SSC4D: variants seen among roughly 807,000 people sequenced by gnomAD.
SSC4D encodes the protein scavenger receptor cysteine-rich domain-containing group B protein.
SSC4D carries 57 observed loss-of-function variants against 63.4 expected under a neutral mutation model. That is an observed-to-expected ratio of 0.90 (90% CI 0.73 to 1.12). SSC4D has a LOEUF of 1.12. Among genes scored for constraint, SSC4D ranks in the 50% most tolerant of loss-of-function variants. The pLI, the probability that SSC4D is intolerant of heterozygous loss-of-function variation, is 0.00. For missense variants in SSC4D, 791 were observed against 806.4 expected (o/e 0.98, Z 0.23); for synonymous variants, 352 against 345.4 (o/e 1.02, Z -0.21).
intron 1 of SSC4D, among the ~76,000 whole-genome samples, chr7:76,407,934 C>T (rs2115822445): frequency 6.6e-6 from 1 of 152,100 alleles, no homozygotes; most frequent in South Asian, 2.1e-4. Flanking sequence ...TGCAGTTGTC[C>T]AGACTCTAGG....
At position 76,404,383 on chromosome 7, in the gene SSC4D, C is replaced by A. The variant is rs372904571; in HGVS notation, c.57G>T (p.Gly19=). 7 of 1,613,934 alleles carry A rather than the reference C, an allele frequency of 4.3e-6. No individual in the cohort carries two copies. The highest frequency in any genetic ancestry group is 1.3e-5 in the African/African-American group (1 of 75,046). ...IGPQLDEKRW[G]WRLGDGSAAP... ...CAGCACTCCCATCTCCCAACCTCCA[C>A]CCCCAGCGCTTCTCATCCAGCTGGG... is the stretch of plus-strand genomic sequence containing the variant. The change falls in exon 2 of 11, where the codon GGG becomes GGT. Residue 19 remains glycine, a synonymous_variant. Transcript: ENST00000275560.
In SSC4D at chr7:76,397,148, G is replaced by C. The variant is rs534044099; in HGVS notation, c.868+370C>G. 2.0e-5 allele frequency among the ~76,000 whole-genome samples: 3 copies of C among 152,114 alleles called. No homozygotes were observed. The East Asian group carries it at 5.8e-4, about 29-fold the overall frequency. On this transcript the variant is annotated intron_variant, in intron 6 of 10. Transcript: ENST00000275560. Reference sequence around the variant, plus strand: ...CCCTGGCTGGAGTGCAGTGGCGTCAGCTCGGCTCACTGCAACCTCCACCTC... The same window carrying C: ...CCCTGGCTGGAGTGCAGTGGCGTCACCTCGGCTCACTGCAACCTCCACCTC...
At chr7:76,395,975 G>A (rs754145381) in intron 6 of SSC4D, among the ~76,000 whole-genome samples, 104 of 152,256 alleles carry the variant, frequency 6.8e-4, no homozygotes, top group African/African-American at 1.6e-3. Context: ...GATTATAGGC[G>A]TGAGCCACCG....
chr7:76,391,584 A>C (rs960600981), intron 10 of SSC4D, among the ~76,000 whole-genome samples: 1 of 151,872 alleles, frequency 6.6e-6, no homozygotes, highest in African/African-American at 2.4e-5. Context: ...TAATCCCAGT[A>C]CCCCAGCCCC....
chr7:76,395,237 G>A lies in SSC4D; in HGVS notation c.946+16C>T. On this transcript the variant is annotated intron_variant, in intron 7 of 10. Coordinates refer to ENST00000275560, the MANE Select transcript of SSC4D (RefSeq NM_080744.2). ...CATACCCCTACCATTCCCGCCTGGA[G>A]GGCTGAGCTCTTTACCGGACGGATC... 6.2e-7 allele frequency: 1 copy of A among 1,613,470 alleles called. No individual in the cohort carries two copies. The highest frequency in any genetic ancestry group is 1.1e-5 in the South Asian group (1 of 91,054).
rs1254988019 is a variant in SSC4D at position 76,389,437 on chromosome 7, G to C, written c.*622C>G. 1 of 152,970 alleles carries C rather than the reference G, an allele frequency of 6.5e-6. No homozygotes were observed. The highest frequency in any genetic ancestry group is 6.5e-5 in the Admixed American group (1 of 15,292). The allele number at this position is 152,970 out of a possible 1,614,324, so 9.5% of individuals were successfully genotyped here. A position where few individuals can be genotyped will look rare whatever the true frequency, so the allele number is the denominator to read the frequency against. On this transcript the variant is annotated 3_prime_UTR_variant, in exon 11 of 11. Coordinates refer to ENST00000275560, the MANE Select transcript of SSC4D (RefSeq NM_080744.2). ...CCTGCAAAGTGGAGGCTCTGTGGTG[G>C]AGACGGCATAAATCAGAGATGCTGG...
At chr7:76,394,866 G>GATATATATAATATAT (rs1804601549) in intron 7 of SSC4D, among the ~76,000 whole-genome samples, 3 of 87,300 alleles carry the variant, frequency 3.4e-5, no homozygotes, top group African/African-American at 9.7e-5. Context: ...ATATATATAA[G>GATATATATAATATAT]ATATTTATTT....
intron 9 of SSC4D, 36 bp from the exon 10 acceptor site, chr7:76,392,077 T>C (rs1265138241): frequency 6.5e-7 from 1 of 1,549,736 alleles, no homozygotes; most frequent in Admixed American, 2.0e-5. Flanking sequence ...GAGGTGGCTC[T>C]CACAATGGGA....
chr7:76,398,911 G>A (rs779600291), intron 4 of SSC4D, 114 bp from the exon 5 acceptor site: 23 of 1,040,966 alleles, frequency 2.2e-5, no homozygotes, highest in Non-Finnish European at 3.3e-5. Context: ...AGAGCCTCTG[G>A]CCACACAAAG....
rs1463806375 is a variant in SSC4D at position 76,401,036 on chromosome 7, G to A, written c.141C>T (p.Ala47=). 1.3e-6 allele frequency: 2 copies of A among 1,548,594 alleles called. No individual in the cohort carries two copies. The highest frequency in any genetic ancestry group is 1.7e-6 in the Non-Finnish European group (2 of 1,145,418). ...SFLLLLPLAS[A]LQPTPLPFQE... ...GAAAGGGCAGTGGAGTGGGCTGTAGGGCGCTGGCTGAAACAGAGTGAGGAA... is the reference window on the plus strand; with the variant it reads ...GAAAGGGCAGTGGAGTGGGCTGTAGAGCGCTGGCTGAAACAGAGTGAGGAA... The change falls in exon 3 of 11, where the codon GCC becomes GCT. Residue 47 remains alanine (A), a synonymous_variant. Coordinates refer to ENST00000275560, the MANE Select transcript of SSC4D (RefSeq NM_080744.2).
chr7:76,404,479 G>A lies in SSC4D; in HGVS notation c.-40C>T, dbSNP rs372419031. 33 of 1,613,426 alleles carry A rather than the reference G, an allele frequency of 2.0e-5. No individual in the cohort carries two copies. Among genetic ancestry groups the A allele is most frequent in the Admixed American group, 6.7e-5 (4 of 59,960 alleles). On this transcript the variant is annotated 5_prime_UTR_variant, in exon 2 of 11. Transcript: ENST00000275560. ...GTGTTTCAGATGCTCCCATCAAGGC[G>A]CCAGGGAGAAGTCACAGTTGGAACA...
In SSC4D at chr7:76,390,261, A is replaced by G. The variant is rs749470845; in HGVS notation, c.1526T>C (p.Val509Ala). Reference protein sequence around the residue: ...DDAWDLRAAGVLCRQLGCGQA... With the variant: ...DDAWDLRAAGALCRQLGCGQA... Reference sequence around the variant, plus strand: ...GCCACAGCCCAGCTGGCGGCACAGGACACCGGCTGCCCGCAGGTCCCAAGC... The same window carrying G: ...GCCACAGCCCAGCTGGCGGCACAGGGCACCGGCTGCCCGCAGGTCCCAAGC... The change falls in exon 11 of 11, where the codon GTC becomes GCC. Residue 509 changes from valine to alanine, a missense_variant. Transcript: ENST00000275560. 1.2e-6 allele frequency: 2 copies of G among 1,613,852 alleles called. No individual in the cohort carries two copies. Among genetic ancestry groups the G allele is most frequent in the Non-Finnish European group, 1.7e-6 (2 of 1,179,950 alleles).
At chr7:76,401,993 C>T (rs1044739192) in intron 2 of SSC4D, among the ~76,000 whole-genome samples, 1 of 151,994 alleles carries the variant, frequency 6.6e-6, no homozygotes, top group Non-Finnish European at 1.5e-5. Context: ...AAAGATTTAC[C>T]TAGATGAGTC....
chr7:76,392,079 A>C, intron 9 of SSC4D, 38 bp from the exon 10 acceptor site: 108 of 1,546,418 alleles, frequency 7.0e-5, no homozygotes, highest in Non-Finnish European at 8.5e-5. Context: ...GGTGGCTCTC[A>C]CAATGGGAAG....
chr7:76,393,809 G>A, intron 8 of SSC4D, 21 bp downstream of exon 8: 1 of 1,418,064 alleles, frequency 7.1e-7, no homozygotes, highest in Non-Finnish European at 9.2e-7. Context: ...ATCCCCCGCA[G>A]ACCCAGGCAC....
rs1469952406 is a variant in SSC4D at position 76,393,561 on chromosome 7, C to T, written c.1177G>A (p.Ala393Thr). Reference protein sequence around the residue: ...REAGCGPALGATGLGHFGYGR... With the variant: ...REAGCGPALGTTGLGHFGYGR... ...TAGCCGAAGTGGCCCAGTCCCGTAG[C>T]GCCCAGCGCAGGCCCGCAGCCCGCT... The change falls in exon 9 of 11, where the codon GCT (alanine) becomes ACT (threonine). Residue 393 changes from alanine to threonine, a missense_variant. Coordinates refer to ENST00000275560, the MANE Select transcript of SSC4D (RefSeq NM_080744.2). The T allele has an allele frequency of 6.6e-7, 1 of 1,517,612 alleles. No individual in the cohort carries two copies. The highest frequency in any genetic ancestry group is 2.6e-5 in the East Asian group (1 of 38,584). 94.0% of individuals were successfully genotyped at this position (1,517,612 alleles called of 1,614,324 possible).
chr7:76,401,734 C>G (rs931973151), intron 2 of SSC4D, among the ~76,000 whole-genome samples: 1 of 152,072 alleles, frequency 6.6e-6, no homozygotes, highest in Non-Finnish European at 1.5e-5. Context: ...TTTTTCAATT[C>G]CCAGCTTGGA....
Position 76,389,792 on chromosome 7 carries a change from C to T in SSC4D, c.*267G>A, listed in dbSNP as rs886162878. The T allele has an allele frequency of 5.9e-6, 3 of 511,986 alleles. No individual in the cohort carries two copies. Among genetic ancestry groups the T allele is most frequent in the Non-Finnish European group, 1.1e-5 (3 of 285,662 alleles). 31.7% of individuals were successfully genotyped at this position (511,986 alleles called of 1,614,324 possible). On this transcript the variant is annotated 3_prime_UTR_variant, in exon 11 of 11. Coordinates refer to ENST00000275560, the MANE Select transcript of SSC4D (RefSeq NM_080744.2). Reference sequence around the variant, plus strand: ...AAGAGTTAGGAATCATCCTCTTCCCCTCGTTTTGGTTTTGGCTGAGCAAAA... The same window carrying T: ...AAGAGTTAGGAATCATCCTCTTCCCTTCGTTTTGGTTTTGGCTGAGCAAAA...
chr7:76,397,884 G>C, intron 5 of SSC4D, 52 bp from the exon 6 acceptor site: 2 of 1,454,444 alleles, frequency 1.4e-6, no homozygotes. Flanking sequence ...CTCTGCCCCC[G>C]TCCGCACCGC....
Sources: allele counts gnomAD v4.1 joint callset (sites outside exome capture counted in the v4.1 genomes callset), GRCh38; gene constraint gnomAD v4.1.1; transcripts MANE v1.5; gene names NCBI Gene and HGNC (gene_info 2026-07-23, HGNC 2026-07-21).